Variants in PLCB1 observed in about 807,000 individuals in gnomAD.
PLCB1 encodes the protein phospholipase C beta 1.
Under a neutral mutation model 161.8 loss-of-function variants are expected in PLCB1, and 46 were observed. That is an observed-to-expected ratio of 0.28 (90% CI 0.22 to 0.36). The LOEUF is 0.36. Among genes scored for constraint, PLCB1 ranks in the 10% least tolerant of loss-of-function variants. PLCB1 has a pLI of 1.00. For synonymous variants in PLCB1, 517 were observed against 503.7 expected (o/e 1.03, Z -0.35); for missense variants, 1,016 against 1,472.5 (o/e 0.69, Z 5.07).
chr20:8,504,755 A>C (rs1983564376), intron 3 of PLCB1, among the ~76,000 whole-genome samples: 1 of 102,550 alleles, frequency 9.8e-6, no homozygotes, highest in African/African-American at 3.6e-5. Flanking sequence ...TTTGGCTCCA[A>C]AAAAAATATT....
At chr20:8,139,081 G>GTTTTTT (rs71329695) in intron 1 of PLCB1, among the ~76,000 whole-genome samples, 974 of 91,654 alleles carry the variant, frequency 0.011, 32 homozygotes, top group African/African-American at 0.013. Flanking sequence ...TATTTCAAGG[G>GTTTTTT]TTTTTTTTTT....
intron 23 of PLCB1, among the ~76,000 whole-genome samples, chr20:8,748,172 G>T (rs115708999): frequency 0.022 from 3,344 of 152,150 alleles, 51 homozygotes; most frequent in African/African-American, 0.044. Flanking sequence ...AAAAGAAAAG[G>T]TTTTCCTTTA....
At chr20:8,181,078 C>G (rs2051837214) in intron 2 of PLCB1, among the ~76,000 whole-genome samples, 1 of 151,588 alleles carries the variant, frequency 6.6e-6, no homozygotes, top group South Asian at 2.1e-4. Flanking sequence ...TGGCGAAACC[C>G]CGTCTCTACT....
chr20:8,136,412 A>G (rs1389954020), intron 1 of PLCB1, among the ~76,000 whole-genome samples: 4 of 152,218 alleles, frequency 2.6e-5, no homozygotes, highest in South Asian at 2.1e-4. Flanking sequence ...AGATCACAAG[A>G]CCAGGAGATC....
chr20:8,372,679 T>G (rs1019527999), intron 3 of PLCB1, among the ~76,000 whole-genome samples: 3 of 152,230 alleles, frequency 2.0e-5, no homozygotes, highest in African/African-American at 7.2e-5. Context: ...AATGCTTTGT[T>G]GATGATTCAA....
intron 3 of PLCB1, among the ~76,000 whole-genome samples, chr20:8,410,403 C>T (rs1978991195): frequency 6.6e-6 from 1 of 152,092 alleles, no homozygotes; most frequent in Non-Finnish European, 1.5e-5. Context: ...ATCTTGTTCT[C>T]CACATCCTCA....
Position 8,815,954 on chromosome 20 carries a change from T to A in PLCB1, c.3423+25693T>A, listed in dbSNP as rs549073370. ...AGAACACATATAACCTGTTTATAGA[T>A]ATTCCTAAGGAGGATTGTGGCAAAG... On this transcript the variant is annotated intron_variant, in intron 31 of 31. Coordinates refer to ENST00000338037, the MANE Select transcript of PLCB1 (RefSeq NM_015192.4). 3.3e-5 allele frequency among the ~76,000 whole-genome samples: 5 copies of A among 152,344 alleles called. 1 individual carries two copies. Among genetic ancestry groups the A allele is most frequent in the African/African-American group, 1.2e-4 (5 of 41,578 alleles).
chr20:8,584,471 TACACACACACAGACACACACACACAC>T (rs1986926756), intron 3 of PLCB1, among the ~76,000 whole-genome samples: 1 of 115,098 alleles, frequency 8.7e-6, no homozygotes, highest in Admixed American at 9.8e-5. Flanking sequence ...CACACACACA[TACACACACACAGACACACACACACAC>T]ACACACACAC....
intron 2 of PLCB1, among the ~76,000 whole-genome samples, chr20:8,187,579 TC>T (rs2051919149): frequency 6.6e-6 from 1 of 152,150 alleles, no homozygotes; most frequent in Non-Finnish European, 1.5e-5. Flanking sequence ...TCTCTCCACT[TC>T]CTAGAGTTTT....
rs138505341 is a variant in PLCB1, at chr20:8,710,733, C to T, written c.1250+1981C>T. ...TTCTCCATGTTGGTCAGGCTAGTCT[C>T]GAACTCCCGACCTCAGGTGATCCGC... On this transcript the variant is annotated intron_variant, in intron 12 of 31. Transcript: ENST00000338037. Among the ~76,000 whole-genome samples the T allele has an allele frequency of 6.6e-3, 1,004 of 152,008 alleles. 7 individuals carry two copies. Among genetic ancestry groups the T allele is most frequent in the Non-Finnish European group, 0.01 (698 of 67,982 alleles).
chr20:8,495,388 C>CTTTTTTTTTTTTTTTTTTTTT (rs869173548), intron 3 of PLCB1, among the ~76,000 whole-genome samples: 1 of 94,364 alleles, frequency 1.1e-5, no homozygotes, highest in African/African-American at 4.5e-5. Context: ...ACCTTCCTTT[C>CTTTTTTTTTTTTTTTTTTTTT]TTTTTTTTTT....
intron 18 of PLCB1, chr20:8,732,162 A>T (rs1980286320): frequency 6.6e-6 from 1 of 152,134 alleles, no homozygotes; most frequent in African/African-American, 2.4e-5. Context: ...GTAGAATTAG[A>T]TGTTAATTGT....
In PLCB1 at chr20:8,573,411, G is replaced by T. The variant is rs188302150; in HGVS notation, c.247-54883G>T. Reference sequence around the variant, plus strand: ...GGTGCTGTGTTTGCCGAAGGATGGGGTATCAAGGGAATGATGTCAATATGT... The same window carrying T: ...GGTGCTGTGTTTGCCGAAGGATGGGTTATCAAGGGAATGATGTCAATATGT... On this transcript the variant is annotated intron_variant, in intron 3 of 31. Coordinates refer to ENST00000338037, the MANE Select transcript of PLCB1 (RefSeq NM_015192.4). Among the ~76,000 whole-genome samples, 15 of 152,284 alleles carry T rather than the reference G, an allele frequency of 9.9e-5. No homozygotes were observed. The East Asian group carries it at 2.1e-3, about 22-fold the overall frequency.
In PLCB1 at chr20:8,617,560, T is replaced by C. The variant is rs148479208; in HGVS notation, c.247-10734T>C. ...TAACATTCGGGGATTTGGAGGCTTT[T>C]GTTGTTGTTGTTTTGGGTTTTTTGG... On this transcript the variant is annotated intron_variant, in intron 3 of 31. Transcript: ENST00000338037. Among the ~76,000 whole-genome samples, 471 of 152,260 alleles carry C rather than the reference T, an allele frequency of 3.1e-3. 4 individuals carry two copies. Among genetic ancestry groups the C allele is most frequent in the African/African-American group, 0.011 (448 of 41,528 alleles).
chr20:8,788,433 C>T lies in PLCB1; in HGVS notation c.3112-16C>T, dbSNP rs1471455460. ...GCAATCATTTGAAATAGCAAACTGA[C>T]ATTTTCTTTTTCCAGCTTATTCAAA... On this transcript the variant is annotated splice_polypyrimidine_tract_variant and intron_variant, in intron 27 of 31. Transcript: ENST00000338037. 1 of 1,610,730 alleles carries T rather than the reference C, an allele frequency of 6.2e-7. No homozygotes were observed. The highest frequency in any genetic ancestry group is 8.5e-7 in the Non-Finnish European group (1 of 1,178,356).
In PLCB1 at chr20:8,132,779, C is replaced by A; in HGVS notation, c.99+29C>A. 2 of 1,536,196 alleles carry A rather than the reference C, an allele frequency of 1.3e-6. No homozygotes were observed. The highest frequency in any genetic ancestry group is 1.8e-6 in the Non-Finnish European group (2 of 1,113,016). ...AGTATTGGGGCGGCCCGAGTCGGGGCGCTGGCTCGGGCACCGGGCAGGGCG... is the reference window on the plus strand; with the variant it reads ...AGTATTGGGGCGGCCCGAGTCGGGGAGCTGGCTCGGGCACCGGGCAGGGCG... On this transcript the variant is annotated intron_variant, in intron 1 of 31. Coordinates refer to ENST00000338037, the MANE Select transcript of PLCB1 (RefSeq NM_015192.4). This position sits in a 1 kb window ranked among gnomAD's most constrained non-coding sequence, Gnocchi z 5.2.
intron 31 of PLCB1, among the ~76,000 whole-genome samples, chr20:8,809,849 A>C (rs972030056): frequency 2.6e-5 from 4 of 152,130 alleles, no homozygotes; most frequent in Non-Finnish European, 5.9e-5. Context: ...AAAGTCCCCT[A>C]AAACTTACAC....
At chr20:8,672,705 T>C (rs73597542) in intron 9 of PLCB1, among the ~76,000 whole-genome samples, 2,875 of 152,222 alleles carry the variant, frequency 0.019, 103 homozygotes, top group African/African-American at 0.065. Flanking sequence ...CTTGCCCTGA[T>C]TCACAGAGCT....
chr20:8,444,684 G>A (rs1480080651), intron 3 of PLCB1, among the ~76,000 whole-genome samples: 4 of 152,196 alleles, frequency 2.6e-5, no homozygotes, highest in East Asian at 1.9e-4. Flanking sequence ...AAGTGTTCCT[G>A]TTTCTCCACA....
Sources: allele counts gnomAD v4.1 joint callset (sites outside exome capture counted in the v4.1 genomes callset), GRCh38; gene constraint gnomAD v4.1.1; non-coding constraint Gnocchi (gnomAD v3.1); transcripts MANE v1.5; gene names NCBI Gene and HGNC (gene_info 2026-07-23, HGNC 2026-07-21).